The following COL25A1 variants were observed in gnomAD, a reference collection of about 807,000 sequenced individuals.
COL25A1 encodes collagen type XXV alpha 1 chain, also known as collagen alpha-1(XXV) chain.
A neutral mutation model predicts 128.4 loss-of-function variants in COL25A1; 103 were observed. The observed-to-expected ratio is 0.80, with a 90% CI of 0.68 to 0.94. The LOEUF (loss-of-function observed/expected upper bound fraction) is 0.94. Among genes scored for constraint, COL25A1 ranks in the 40% least tolerant of loss-of-function variants. The pLI, the probability that COL25A1 is intolerant of heterozygous loss-of-function variation, is 0.00. For synonymous variants in COL25A1, 279 were observed against 277.2 expected (o/e 1.01, Z -0.06); for missense variants, 745 against 840.0 (o/e 0.89, Z 1.40).
rs116828682 is a variant in COL25A1 at position 109,074,510 on chromosome 4, A to G, written c.368-24331T>C. ...TGTACAACATTCATTCATATGCCAA[A>G]TTATATGAAATGTTAAACAGGGTTA... On this transcript the variant is annotated intron_variant, in intron 3 of 37. Coordinates refer to ENST00000399132, the MANE Select transcript of COL25A1 (RefSeq NM_198721.4). Among the ~76,000 whole-genome samples the G allele has an allele frequency of 5.7e-3, 865 of 152,356 alleles. 12 individuals carry two copies. Among genetic ancestry groups the G allele is most frequent in the African/African-American group, 0.019 (804 of 41,588 alleles).
chr4:109,043,374 C>T (rs1222643314), intron 5 of COL25A1, among the ~76,000 whole-genome samples: 1 of 152,028 alleles, frequency 6.6e-6, no homozygotes, highest in Admixed American at 6.6e-5. Flanking sequence ...GTAAGCTTAA[C>T]TTGGCCAAGT....
At chr4:109,189,702 C>T (rs1360127064) in intron 3 of COL25A1, among the ~76,000 whole-genome samples, 2 of 152,088 alleles carry the variant, frequency 1.3e-5, no homozygotes, top group African/African-American at 2.4e-5. Flanking sequence ...TCTTAATACT[C>T]CATATTTCAA....
At chr4:109,027,014 G>A (rs948880787) in intron 5 of COL25A1, among the ~76,000 whole-genome samples, 2 of 152,312 alleles carry the variant, frequency 1.3e-5, no homozygotes, top group Middle Eastern at 3.4e-3. Context: ...GCAGATGTGA[G>A]AGGAATAAAA....
At chr4:109,112,769 T>C (rs2126040770) in intron 3 of COL25A1, among the ~76,000 whole-genome samples, 1 of 152,296 alleles carries the variant, frequency 6.6e-6, no homozygotes, top group Middle Eastern at 3.4e-3. Flanking sequence ...AACTACTTCA[T>C]CATATTTCCA....
At chr4:108,957,551 T>C (rs955136744) in intron 8 of COL25A1, among the ~76,000 whole-genome samples, 1 of 152,202 alleles carries the variant, frequency 6.6e-6, no homozygotes, top group African/African-American at 2.4e-5. Flanking sequence ...AAACGGTAGA[T>C]GTTGATTCAA....
At chr4:108,827,731 G>C (rs1578466957) in intron 32 of COL25A1, among the ~76,000 whole-genome samples, 1 of 152,104 alleles carries the variant, frequency 6.6e-6, no homozygotes, top group African/African-American at 2.4e-5. Flanking sequence ...TGTTGTCCAG[G>C]CTGGTCTTGA....
chr4:108,815,514 T>TTG (rs772591463), intron 37 of COL25A1, among the ~76,000 whole-genome samples: 2 of 152,106 alleles, frequency 1.3e-5, no homozygotes, highest in Admixed American at 6.6e-5. Flanking sequence ...TGATTTGCAT[T>TTG]TGTGTGTGTT....
intron 30 of COL25A1, among the ~76,000 whole-genome samples, chr4:108,843,889 CTATTATTAT>C (rs5860951): frequency 6.7e-6 from 1 of 149,264 alleles, no homozygotes; most frequent in Admixed American, 6.7e-5. Context: ...GCTATTATTA[CTATTATTAT>C]TATTATTATT....
intron 3 of COL25A1, among the ~76,000 whole-genome samples, chr4:109,203,929 A>T (rs913938653): frequency 6.6e-6 from 1 of 152,200 alleles, no homozygotes; most frequent in Non-Finnish European, 1.5e-5. Flanking sequence ...GCTAGATTGA[A>T]AGGGCAGGGA....
At chr4:109,052,730 A>G (rs1004037104) in intron 3 of COL25A1, among the ~76,000 whole-genome samples, 10 of 152,238 alleles carry the variant, frequency 6.6e-5, no homozygotes, top group Non-Finnish European at 7.4e-5. Context: ...GAATTTAAAG[A>G]CAAAAAGAAT....
chr4:108,863,197 T>C, intron 21 of COL25A1, 122 bp downstream of exon 21: 1 of 903,858 alleles, frequency 1.1e-6, no homozygotes, highest in South Asian at 1.4e-5. Flanking sequence ...TGGTGTGCAT[T>C]TCAACAAACT....
At chr4:108,882,986 A>T (rs1299924577) in intron 19 of COL25A1, among the ~76,000 whole-genome samples, 1 of 152,090 alleles carries the variant, frequency 6.6e-6, no homozygotes, top group Non-Finnish European at 1.5e-5. Flanking sequence ...CTCCAAGCAG[A>T]ACCTTCATAA....
intron 6 of COL25A1, among the ~76,000 whole-genome samples, chr4:109,004,604 C>T (rs1465910119): frequency 6.6e-6 from 1 of 152,038 alleles, no homozygotes; most frequent in Non-Finnish European, 1.5e-5. Context: ...GATTTAGCAT[C>T]CTCTTGGTGC....
intron 21 of COL25A1, among the ~76,000 whole-genome samples, chr4:108,862,807 T>G (rs1047518136): frequency 6.6e-6 from 1 of 152,190 alleles, no homozygotes; most frequent in East Asian, 1.9e-4. Context: ...ATAATTCTCA[T>G]TAGTCTCAAC....
At chr4:109,018,041 A>AT (rs540831964) in intron 5 of COL25A1, among the ~76,000 whole-genome samples, 252 of 147,736 alleles carry the variant, frequency 1.7e-3, no homozygotes, top group South Asian at 4.5e-3. Context: ...TGTCAAGCTT[A>AT]TTTTTTTTTT....
At chr4:109,142,665 CTTCT>C (rs1274963733) in intron 3 of COL25A1, among the ~76,000 whole-genome samples, 6 of 151,652 alleles carry the variant, frequency 4.0e-5, no homozygotes, top group East Asian at 3.9e-4. Context: ...ATGTAATGGC[CTTCT>C]TTGTCTTTTT....
At chr4:108,979,846 G>C (rs893348656) in intron 6 of COL25A1, among the ~76,000 whole-genome samples, 8 of 152,160 alleles carry the variant, frequency 5.3e-5, no homozygotes, top group Non-Finnish European at 1.2e-4. Context: ...ACTAAATACT[G>C]TGTTGTGGGA....
chr4:108,883,320 G>A (rs77685806), intron 19 of COL25A1, among the ~76,000 whole-genome samples: 3,480 of 152,142 alleles, frequency 0.023, 118 homozygotes, highest in African/African-American at 0.078. Context: ...CACCGTGCCC[G>A]GCCTAGAAAT....
chr4:108,886,002 A>T (rs1378811432), intron 18 of COL25A1, among the ~76,000 whole-genome samples: 2 of 152,350 alleles, frequency 1.3e-5, no homozygotes, highest in African/African-American at 2.4e-5. Flanking sequence ...ATCAAGAAAA[A>T]GATGTGTAAG....
Sources: allele counts gnomAD v4.1 joint callset (sites outside exome capture counted in the v4.1 genomes callset), GRCh38; gene constraint gnomAD v4.1.1; transcripts MANE v1.5; gene names NCBI Gene and HGNC (gene_info 2026-07-23, HGNC 2026-07-21).